PDS5B: variants seen among roughly 807,000 people sequenced by gnomAD.
PDS5B encodes the protein sister chromatid cohesion protein PDS5 homolog B.
Under a neutral mutation model 184.1 loss-of-function variants are expected in PDS5B, and 51 were observed. The ratio of observed to expected loss-of-function variants is 0.28; its 90% CI spans 0.22 to 0.35. PDS5B has a LOEUF of 0.35. Among genes scored for constraint, PDS5B ranks in the 10% least tolerant of loss-of-function variants. The pLI, the probability that PDS5B is intolerant of heterozygous loss-of-function variation, is 1.00. For synonymous variants in PDS5B, 566 were observed against 569.2 expected (o/e 0.99, Z 0.08); for missense variants, 1,180 against 1,723.3 (o/e 0.68, Z 5.58).
At chr13:32,623,016 G>A (rs1356254437) in intron 1 of PDS5B, among the ~76,000 whole-genome samples, 2 of 152,176 alleles carry the variant, frequency 1.3e-5, no homozygotes, top group African/African-American at 4.8e-5. Flanking sequence ...TGGCAGGCAG[G>A]CAGGGGTCTA....
At chr13:32,660,677 T>G (rs1036838786) in intron 6 of PDS5B, among the ~76,000 whole-genome samples, 2 of 152,214 alleles carry the variant, frequency 1.3e-5, no homozygotes, top group Non-Finnish European at 2.9e-5. Flanking sequence ...TTGATTGTCG[T>G]GGAGAAGACT....
chr13:32,712,452 A>T (rs1368571893), intron 19 of PDS5B, among the ~76,000 whole-genome samples: 1 of 152,224 alleles, frequency 6.6e-6, no homozygotes, highest in East Asian at 1.9e-4. Flanking sequence ...TTAAATTATT[A>T]AATTGGGTGA....
In PDS5B at chr13:32,775,762, A is replaced by C. The variant is rs1455122100; in HGVS notation, c.*710A>C. ...CAGAATTTTCTGGCCTTTCATGGCA[A>C]TGAAAATTTTAAGAAGAAAGATTTA... On this transcript the variant is annotated 3_prime_UTR_variant, in exon 35 of 35. Coordinates refer to ENST00000315596, the MANE Select transcript of PDS5B (RefSeq NM_015032.4). 1 of 394,100 alleles carries C rather than the reference A, an allele frequency of 2.5e-6. No individual in the cohort carries two copies. 24.4% of individuals were successfully genotyped at this position (394,100 alleles called of 1,614,324 possible).
chr13:32,723,491 C>T (rs1952789637), intron 19 of PDS5B, among the ~76,000 whole-genome samples: 1 of 152,110 alleles, frequency 6.6e-6, no homozygotes, highest in Non-Finnish European at 1.5e-5. Context: ...GAAAAGCAGT[C>T]AGCATAGGTG....
chr13:32,754,602 C>T (rs1052065871), intron 25 of PDS5B, among the ~76,000 whole-genome samples: 3 of 151,896 alleles, frequency 2.0e-5, no homozygotes, highest in South Asian at 4.1e-4. Flanking sequence ...TCCTTCCTTA[C>T]GCTGGAAAAT....
rs780799154 is a variant in PDS5B at position 32,742,624 on chromosome 13, C to T, written c.2509C>T (p.Leu837Phe). The T allele has an allele frequency of 1.9e-6, 3 of 1,611,702 alleles. No individual in the cohort carries two copies. In the Admixed American group the frequency reaches 5.0e-5, roughly 27 times the overall value. ...QAIKMMVRWL[L>F]GMKNNHSKSG... ...TATTAAAATGATGGTTCGATGGCTA[C>T]TTGGAATGAAAAATAATCACAGTAA... Residue 837 changes from leucine to phenylalanine, a missense_variant, in exon 23 of 35, where the codon CTT (leucine) becomes TTT (phenylalanine). Physicochemically the swap from Leu to Phe is conservative, Grantham distance 22. Around this residue, in one of 11 missense-constraint regions of PDS5B, gnomAD observed 475 missense variants for 691.5 expected, o/e 0.69. Coordinates refer to ENST00000315596, the MANE Select transcript of PDS5B (RefSeq NM_015032.4).
intron 1 of PDS5B, among the ~76,000 whole-genome samples, chr13:32,645,939 T>A (rs181217168): frequency 6.6e-6 from 1 of 152,190 alleles, no homozygotes; most frequent in East Asian, 1.9e-4. Flanking sequence ...CATACTCTTA[T>A]GTAGTGTTTT....
At chr13:32,751,057 G>A (rs1953965583) in intron 24 of PDS5B, among the ~76,000 whole-genome samples, 1 of 152,106 alleles carries the variant, frequency 6.6e-6, no homozygotes, top group Non-Finnish European at 1.5e-5. Context: ...GAAGGCTTTG[G>A]TGTCTGTTCT....
intron 26 of PDS5B, among the ~76,000 whole-genome samples, chr13:32,756,954 C>T (rs995220844): frequency 2.0e-5 from 3 of 151,898 alleles, no homozygotes; most frequent in Non-Finnish European, 2.9e-5. Flanking sequence ...AAAACCCCGT[C>T]TCTACTAAAA....
intron 1 of PDS5B, among the ~76,000 whole-genome samples, chr13:32,629,634 A>G (rs1403232288): frequency 6.6e-6 from 1 of 152,126 alleles, no homozygotes; most frequent in Non-Finnish European, 1.5e-5. Flanking sequence ...TATGGTTGAT[A>G]TTTCTTATTC....
chr13:32,611,006 ATAAAG>A (rs986754273), intron 1 of PDS5B, among the ~76,000 whole-genome samples: 1 of 150,686 alleles, frequency 6.6e-6, no homozygotes, highest in Non-Finnish European at 1.5e-5. Context: ...TTTTTTTTTC[ATAAAG>A]TAGTGTTAAT....
chr13:32,683,376 A>G (rs979076441), intron 10 of PDS5B, among the ~76,000 whole-genome samples: 1 of 144,922 alleles, frequency 6.9e-6, no homozygotes, highest in East Asian at 2.0e-4. Flanking sequence ...GCTGAAGTGC[A>G]ATGATGCGAT....
intron 31 of PDS5B, 51 bp downstream of exon 31, chr13:32,764,645 G>A (rs774269630): frequency 2.9e-6 from 3 of 1,027,674 alleles, no homozygotes; most frequent in South Asian, 3.4e-5. Flanking sequence ...ATTTTACTTA[G>A]TAATGTTTAC....
chr13:32,754,939 A>G (rs893458295), intron 25 of PDS5B, among the ~76,000 whole-genome samples: 46 of 152,186 alleles, frequency 3.0e-4, no homozygotes, highest in African/African-American at 1.1e-3. Flanking sequence ...TAGGCCTGGA[A>G]CATAGTAAAC....
chr13:32,693,671 ATATAT>A (rs1454376163), intron 13 of PDS5B, among the ~76,000 whole-genome samples: 4 of 149,290 alleles, frequency 2.7e-5, no homozygotes, highest in Non-Finnish European at 4.5e-5. Context: ...AATATTATTT[ATATAT>A]TATAATATAT....
chr13:32,736,983 C>T (rs1953353506), intron 21 of PDS5B, among the ~76,000 whole-genome samples: 2 of 152,096 alleles, frequency 1.3e-5, no homozygotes, highest in African/African-American at 4.8e-5. Context: ...CTTTGTTTTG[C>T]TGCAGAATTT....
chr13:32,623,466 G>T (rs1007956076), intron 1 of PDS5B, among the ~76,000 whole-genome samples: 3 of 151,660 alleles, frequency 2.0e-5, no homozygotes, highest in Non-Finnish European at 4.4e-5. Flanking sequence ...GGGTGGATTA[G>T]TCTTGGGAAG....
At chr13:32,721,231 A>C (rs113648115) in intron 19 of PDS5B, among the ~76,000 whole-genome samples, 1,815 of 128,486 alleles carry the variant, frequency 0.014, 39 homozygotes, top group African/African-American at 0.05. Flanking sequence ...GGCAGAGGCG[A>C]CCCCCACCTC....
chr13:32,674,537 G>A (rs1951017604), intron 8 of PDS5B, among the ~76,000 whole-genome samples: 1 of 151,712 alleles, frequency 6.6e-6, no homozygotes. Context: ...TAAAAATATT[G>A]AGTAAATGCT....
Sources: gnomAD v4.1 joint callset for allele counts (sites outside exome capture counted in the v4.1 genomes callset) on GRCh38, gnomAD v4.1.1 for gene constraint, gnomAD v4.1.1 regional missense constraint, MANE v1.5 for transcripts, NCBI Gene and HGNC (gene_info 2026-07-23, HGNC 2026-07-21) for gene names.